GRIP1: variants seen among roughly 807,000 people sequenced by gnomAD.
The protein encoded by GRIP1 is glutamate receptor interacting protein 1.
In GRIP1, 45 loss-of-function variants were observed where a neutral mutation model predicts 129.9. That is an observed-to-expected ratio of 0.35 (90% CI 0.27 to 0.44). The LOEUF (loss-of-function observed/expected upper bound fraction) is 0.44, where lower values mean the gene tolerates loss of function less well. Ranked by LOEUF, GRIP1 falls within the 20% of genes least tolerant of loss-of-function variation. GRIP1 has a pLI of 1.00. For missense variants in GRIP1, 1,196 were observed against 1,396.8 expected (o/e 0.86, Z 2.29); for synonymous variants, 530 against 520.8 (o/e 1.02, Z -0.24).
At chr12:66,728,439 C>T (rs979714781) in intron 1 of GRIP1, among the ~76,000 whole-genome samples, 1 of 152,090 alleles carries the variant, frequency 6.6e-6, no homozygotes, top group Admixed American at 6.5e-5. Flanking sequence ...TCTAAGATGG[C>T]CTCCTGACAT....
At chr12:66,807,735 C>T (rs539142397), upstream of GRIP1, among the ~76,000 whole-genome samples, 1 of 152,004 alleles carries the variant, frequency 6.6e-6, no homozygotes, top group Non-Finnish European at 1.5e-5. Flanking sequence ...CCCCCTTTGC[C>T]TTTCACCATG....
At chr12:66,745,357 T>C (rs2036912510) in intron 1 of GRIP1, among the ~76,000 whole-genome samples, 2 of 152,074 alleles carry the variant, frequency 1.3e-5, no homozygotes, top group Non-Finnish European at 2.9e-5. Flanking sequence ...ATAGAGTAAA[T>C]AAATTAGAAC....
intron 7 of GRIP1, among the ~76,000 whole-genome samples, chr12:66,501,981 G>T (rs1436833307): frequency 6.6e-6 from 1 of 152,124 alleles, no homozygotes; most frequent in Non-Finnish European, 1.5e-5. Flanking sequence ...CAAGAGAAAT[G>T]ATCAACTTTC....
intron 1 of GRIP1, among the ~76,000 whole-genome samples, chr12:67,062,517 T>A (rs1447923832): frequency 6.6e-6 from 1 of 152,172 alleles, no homozygotes. Flanking sequence ...CTCTGACAGC[T>A]GTCTTCAGAA....
intron 1 of GRIP1, among the ~76,000 whole-genome samples, chr12:66,600,905 C>T (rs1332095385): frequency 6.6e-6 from 1 of 152,192 alleles, no homozygotes; most frequent in African/African-American, 2.4e-5. Context: ...CTCAGGGTAT[C>T]AGCACTGCCA....
rs896725711 is a variant in GRIP1 at position 66,834,593 on chromosome 12, T to A, written c.58+234457A>T. Among the ~76,000 whole-genome samples, 19 of 152,356 alleles carry A rather than the reference T, an allele frequency of 1.2e-4. 1 individual carries two copies. The Middle Eastern group carries it at 0.01, about 82-fold the overall frequency. ...AAGCCAATATGTTATCATTTTCGTA[T>A]GTATTTCCATTGCATCTGCTTCAAA... On this transcript the variant is annotated intron_variant, in intron 1 of 1. Transcript: ENST00000643019.
chr12:66,865,204 GA>G (rs1172463368), intron 1 of GRIP1, among the ~76,000 whole-genome samples: 2 of 152,022 alleles, frequency 1.3e-5, no homozygotes, highest in Non-Finnish European at 2.9e-5. Context: ...AATCCAATAT[GA>G]AAAAAGTTCA....
intron 1 of GRIP1, among the ~76,000 whole-genome samples, chr12:66,968,211 T>C (rs556217221): frequency 6.6e-6 from 1 of 152,204 alleles, no homozygotes; most frequent in Non-Finnish European, 1.5e-5. Context: ...TATTTATCCC[T>C]GATAATTTCC....
intron 1 of GRIP1, among the ~76,000 whole-genome samples, chr12:66,962,787 T>C (rs1182197826): frequency 2.0e-5 from 3 of 152,048 alleles, no homozygotes; most frequent in Non-Finnish European, 2.9e-5. Flanking sequence ...AGTTTTTAAG[T>C]GTTGCCTTAA....
At chr12:66,468,771 GA>G (rs1170986054) in intron 7 of GRIP1, among the ~76,000 whole-genome samples, 1 of 150,918 alleles carries the variant, frequency 6.6e-6, no homozygotes, top group Non-Finnish European at 1.5e-5. Flanking sequence ...GAATTAACAT[GA>G]AATTGTTCTG....
intron 7 of GRIP1, among the ~76,000 whole-genome samples, chr12:66,503,642 C>A (rs1027102679): frequency 6.6e-6 from 1 of 152,154 alleles, no homozygotes. Context: ...CAGACCCATA[C>A]GGATTCGCCA....
chr12:66,853,926 T>C (rs1294028947), intron 1 of GRIP1, among the ~76,000 whole-genome samples: 9 of 152,032 alleles, frequency 5.9e-5, no homozygotes, highest in Admixed American at 3.3e-4. Context: ...TAAAAATAGG[T>C]TATTTTTCTG....
chr12:67,048,842 A>T (rs188173491), intron 1 of GRIP1, among the ~76,000 whole-genome samples: 50 of 152,080 alleles, frequency 3.3e-4, no homozygotes, highest in South Asian at 1.5e-3. Flanking sequence ...CGTGACTTGC[A>T]CCTCCTTGCC....
chr12:67,015,927 A>G (rs879943440), intron 1 of GRIP1, among the ~76,000 whole-genome samples: 6 of 152,224 alleles, frequency 3.9e-5, no homozygotes, highest in African/African-American at 1.4e-4. Context: ...GACAAGTCCT[A>G]GCTTTGGCCC....
At chr12:66,800,113 A>AAAC (rs1305309166) in intron 1 of GRIP1, among the ~76,000 whole-genome samples, 1 of 152,184 alleles carries the variant, frequency 6.6e-6, no homozygotes, top group Non-Finnish European at 1.5e-5. Context: ...TAGAATAGGC[A>AAAC]AACAACAACA....
At chr12:66,903,624 T>C (rs114253125) in intron 1 of GRIP1, among the ~76,000 whole-genome samples, 327 of 152,248 alleles carry the variant, frequency 2.1e-3, no homozygotes, top group African/African-American at 7.8e-3. Context: ...ACCACAGATA[T>C]CAAGTAATCA....
At chr12:66,645,551 A>G (rs1484883438) in intron 1 of GRIP1, among the ~76,000 whole-genome samples, 2 of 152,194 alleles carry the variant, frequency 1.3e-5, no homozygotes, top group Admixed American at 1.3e-4. Context: ...TTAGATTCCA[A>G]AGCCAGAGCT....
intron 2 of GRIP1, among the ~76,000 whole-genome samples, chr12:66,585,161 T>C (rs2063575084): frequency 6.7e-6 from 1 of 150,284 alleles, no homozygotes; most frequent in Non-Finnish European, 1.5e-5. Flanking sequence ...TGCAGGTTAG[T>C]TACATATGTA....
intron 1 of GRIP1, among the ~76,000 whole-genome samples, chr12:66,661,752 ATC>A (rs2033523514): frequency 6.6e-6 from 1 of 152,124 alleles, no homozygotes; most frequent in Admixed American, 6.6e-5. Flanking sequence ...TTACTGTAGT[ATC>A]ATCTCAAGCC....
Sources: gnomAD v4.1 joint callset for allele counts (sites outside exome capture counted in the v4.1 genomes callset) on GRCh38, gnomAD v4.1.1 for gene constraint, MANE v1.5 for transcripts, NCBI Gene and HGNC (gene_info 2026-07-23, HGNC 2026-07-21) for gene names.